Variants in MEGF6 observed in about 807,000 individuals in gnomAD.
The protein encoded by MEGF6 is multiple EGF like domains 6.
MEGF6 carries 184 observed loss-of-function variants against 207.1 expected under a neutral mutation model. The ratio of observed to expected loss-of-function variants is 0.89; its 90% CI spans 0.79 to 1.00. MEGF6 has a LOEUF of 1.00. Among genes scored for constraint, MEGF6 ranks in the 50% least tolerant of loss-of-function variants. The probability of loss-of-function intolerance (pLI) is 0.00; values close to 1 mark genes in which losing one functional copy is unlikely to be tolerated. For missense variants in MEGF6, 2,282 were observed against 2,202.9 expected (o/e 1.04, Z -0.72); for synonymous variants, 1,038 against 910.0 (o/e 1.14, Z -2.53).
chr1:3,508,416 G>A (rs906281212), intron 13 of MEGF6, 142 bp downstream of exon 13: 46 of 897,900 alleles, frequency 5.1e-5, no homozygotes, highest in Non-Finnish European at 7.4e-5. Flanking sequence ...ATTAACAAAT[G>A]GATGAATGAA....
chr1:3,603,981 C>G (rs775886691), intron 1 of MEGF6, among the ~76,000 whole-genome samples: 128 of 152,358 alleles, frequency 8.4e-4, no homozygotes, highest in Non-Finnish European at 3.1e-4. Context: ...AGCACAGACC[C>G]AACATAGCGA....
chr1:3,490,425 A>AC lies in MEGF6; in HGVS notation c.*102dup, dbSNP rs1232845511. Reference sequence around the variant, plus strand: ...CCACGGCCCTCAAAGGAAGGGCAGTACCAGGAGCTCTGGGCCCGTGAAGTG... The same window carrying AC: ...CCACGGCCCTCAAAGGAAGGGCAGTACCCAGGAGCTCTGGGCCCGTGAAGTG... On this transcript the variant is annotated 3_prime_UTR_variant, in exon 37 of 37. Transcript: ENST00000356575. 1.2e-5 allele frequency: 16 copies of AC among 1,299,616 alleles called. No homozygotes were observed. The highest frequency in any genetic ancestry group is 6.5e-5 in the Admixed American group (3 of 45,806). 80.5% of individuals were successfully genotyped at this position (1,299,616 alleles called of 1,614,324 possible).
intron 9 of MEGF6, among the ~76,000 whole-genome samples, chr1:3,511,273 G>A (rs1228711529): frequency 1.3e-5 from 2 of 152,228 alleles, no homozygotes; most frequent in African/African-American, 4.8e-5. Flanking sequence ...CTTCCCAGGT[G>A]AAGGGGTGGT....
At chr1:3,588,875 T>G (rs990140057) in intron 3 of MEGF6, among the ~76,000 whole-genome samples, 2 of 152,070 alleles carry the variant, frequency 1.3e-5, no homozygotes, top group African/African-American at 4.8e-5. Flanking sequence ...ACCTCTGCCC[T>G]GCACGGCAGG....
chr1:3,606,789 C>T lies in MEGF6; in HGVS notation c.132-4189G>A, dbSNP rs377408540. On this transcript the variant is annotated intron_variant, in intron 1 of 36. Coordinates refer to ENST00000356575, the MANE Select transcript of MEGF6 (RefSeq NM_001409.4). ...CTCCTTGCCATAAAAAAACGGAAGC[C>T]GGGGGGAATAGGCCAATGATCCCTG... is the stretch of plus-strand genomic sequence containing the variant. 2.4e-4 allele frequency among the ~76,000 whole-genome samples: 37 copies of T among 152,270 alleles called. No homozygotes were observed. The East Asian group carries it at 4.3e-3, about 18-fold the overall frequency.
At chr1:3,595,971 A>T (rs1487398667) in intron 2 of MEGF6, among the ~76,000 whole-genome samples, 1 of 152,098 alleles carries the variant, frequency 6.6e-6, no homozygotes, top group Non-Finnish European at 1.5e-5. Context: ...TCAGTGAAGC[A>T]GACGGCCCCA....
chr1:3,496,065 T>A, intron 29 of MEGF6, 47 bp from the exon 30 acceptor site: 1 of 1,470,004 alleles, frequency 6.8e-7, no homozygotes, highest in Non-Finnish European at 9.0e-7. Flanking sequence ...CTTCTCTCCC[T>A]GCCCGGTCAA....
chr1:3,548,092 G>C (rs1642773272), intron 4 of MEGF6, among the ~76,000 whole-genome samples: 2 of 152,206 alleles, frequency 1.3e-5, no homozygotes, highest in Non-Finnish European at 2.9e-5. Context: ...ATGGGGATCG[G>C]AACCTGGAGG....
intron 4 of MEGF6, among the ~76,000 whole-genome samples, chr1:3,549,900 C>T (rs1000459346): frequency 4.6e-5 from 7 of 152,152 alleles, no homozygotes; most frequent in African/African-American, 9.7e-5. Flanking sequence ...GGTGGGCGGT[C>T]GAAGGTCAGA....
chr1:3,577,396 G>T (rs531292758), intron 4 of MEGF6, among the ~76,000 whole-genome samples: 18 of 152,256 alleles, frequency 1.2e-4, no homozygotes, highest in Non-Finnish European at 2.5e-4. Context: ...AGCATGGCCA[G>T]AAGGGAGCAC....
intron 4 of MEGF6, among the ~76,000 whole-genome samples, chr1:3,539,091 G>C (rs1329750700): frequency 6.6e-6 from 1 of 152,208 alleles, no homozygotes; most frequent in Non-Finnish European, 1.5e-5. Context: ...GGATCCCAGG[G>C]GGTGAGGGGT....
chr1:3,512,528 G>A (rs1641390223), intron 7 of MEGF6, among the ~76,000 whole-genome samples: 1 of 152,236 alleles, frequency 6.6e-6, no homozygotes, highest in East Asian at 1.9e-4. Context: ...GTGGTGGGAG[G>A]AGCCCGGTGG....
At chr1:3,589,743 T>C (rs568603390) in intron 3 of MEGF6, among the ~76,000 whole-genome samples, 3 of 152,206 alleles carry the variant, frequency 2.0e-5, no homozygotes, top group Non-Finnish European at 4.4e-5. Context: ...GTCAAGTGGA[T>C]CGCCTGCATC....
intron 4 of MEGF6, among the ~76,000 whole-genome samples, chr1:3,546,121 G>T (rs1240173352): frequency 3.3e-5 from 5 of 152,258 alleles, no homozygotes; most frequent in Non-Finnish European, 5.9e-5. Context: ...CAGGGCAGAG[G>T]CTGGAGCAGG....
intron 4 of MEGF6, among the ~76,000 whole-genome samples, chr1:3,579,537 C>T (rs968461228): frequency 2.0e-5 from 3 of 152,162 alleles, no homozygotes; most frequent in South Asian, 2.1e-4. Context: ...AGGGGGCCAG[C>T]GTCCCCATTT....
chr1:3,515,639 C>A, intron 5 of MEGF6, 112 bp from the exon 6 acceptor site: 1 of 1,302,540 alleles, frequency 7.7e-7, no homozygotes, highest in Non-Finnish European at 1.1e-6. Context: ...TGCTGTAGGA[C>A]CCCTCCCAGC....
At chr1:3,563,572 C>T (rs758282794) in intron 4 of MEGF6, among the ~76,000 whole-genome samples, 10 of 152,240 alleles carry the variant, frequency 6.6e-5, no homozygotes, top group Admixed American at 1.3e-4. Flanking sequence ...GGCCAGCAGA[C>T]ATTTTAGAAG....
intron 2 of MEGF6, among the ~76,000 whole-genome samples, chr1:3,601,465 A>C (rs1167985130): frequency 6.6e-6 from 1 of 152,208 alleles, no homozygotes; most frequent in Non-Finnish European, 1.5e-5. Flanking sequence ...CCTGAACCTC[A>C]GCCCTCCTGA....
intron 5 of MEGF6, among the ~76,000 whole-genome samples, chr1:3,521,885 C>T (rs1641765220): frequency 6.6e-6 from 1 of 152,204 alleles, no homozygotes; most frequent in South Asian, 2.1e-4. Context: ...GGTGCCCAAG[C>T]AGGGTGGCCT....
Sources: gnomAD v4.1 joint callset for allele counts (sites outside exome capture counted in the v4.1 genomes callset) on GRCh38, gnomAD v4.1.1 for gene constraint, MANE v1.5 for transcripts, NCBI Gene and HGNC (gene_info 2026-07-23, HGNC 2026-07-21) for gene names.